Variants in ALG8 observed in about 807,000 individuals in gnomAD.
ALG8 encodes ALG8 alpha-1,3-glucosyltransferase.
Under a neutral mutation model 70.2 loss-of-function variants are expected in ALG8, and 48 were observed. That is an observed-to-expected ratio of 0.68 (90% CI 0.54 to 0.87). The LOEUF (loss-of-function observed/expected upper bound fraction) is 0.87, where lower values mean the gene tolerates loss of function less well. Ranked by LOEUF, ALG8 falls within the 40% of genes least tolerant of loss-of-function variation. ALG8 has a pLI of 0.00. For missense variants in ALG8, 572 were observed against 608.7 expected (o/e 0.94, Z 0.64); for synonymous variants, 234 against 229.0 (o/e 1.02, Z -0.20).
rs1292203024 is a variant in ALG8 at position 78,113,959 on chromosome 11, A to T, written c.704T>A (p.Phe235Tyr). The T allele has an allele frequency of 6.2e-7, 1 of 1,607,158 alleles. No individual in the cohort carries two copies. Among genetic ancestry groups the T allele is most frequent in the Non-Finnish European group, 8.5e-7 (1 of 1,176,672 alleles). ...DGSIRWKSFS[F>Y]VRVISLGLVV... ...CAGTCCCAGGGAAATAACACGAACA[A>T]AGCTGAAACTCTTCCATCGAATAGA... is the stretch of plus-strand genomic sequence containing the variant. Residue 235 changes from phenylalanine (F) to tyrosine (Y), a missense_variant, in exon 7 of 13, where the codon TTT (phenylalanine) becomes TAT (tyrosine). Coordinates refer to ENST00000299626, the MANE Select transcript of ALG8 (RefSeq NM_024079.5).
chr11:78,134,573 A>G (rs907426866), intron 1 of ALG8, among the ~76,000 whole-genome samples: 1 of 152,238 alleles, frequency 6.6e-6, no homozygotes, highest in African/African-American at 2.4e-5. Flanking sequence ...TCAAAACTAG[A>G]GTCAATCCTT....
At chr11:78,113,439 G>A (rs2136901223) in intron 7 of ALG8, among the ~76,000 whole-genome samples, 1 of 152,198 alleles carries the variant, frequency 6.6e-6, no homozygotes, top group African/African-American at 2.4e-5. Flanking sequence ...CGGGCCAAGA[G>A]CGGTGGCTCA....
rs1012579903 is a variant in ALG8, at chr11:78,103,200, C to T, written c.1349+780G>A. 5.9e-5 allele frequency among the ~76,000 whole-genome samples: 9 copies of T among 152,208 alleles called. No homozygotes were observed. In the South Asian group the frequency reaches 1.7e-3, roughly 28 times the overall value. On this transcript the variant is annotated intron_variant, in intron 12 of 12. Transcript: ENST00000299626. ...ATTAGCCGGGCACAGCAGCTCACGCCTGTACTTCCAGCACTATGGGAGGCC... is the reference window on the plus strand; with the variant it reads ...ATTAGCCGGGCACAGCAGCTCACGCTTGTACTTCCAGCACTATGGGAGGCC...
intron 8 of ALG8, chr11:78,112,446 A>G: frequency 3.4e-6 from 2 of 590,096 alleles, no homozygotes; most frequent in Non-Finnish European, 5.8e-6. Flanking sequence ...TACCACAAGG[A>G]GCTTTTATAA....
intron 12 of ALG8, among the ~76,000 whole-genome samples, chr11:78,102,315 G>A (rs1336228490): frequency 6.6e-6 from 1 of 152,156 alleles, no homozygotes; most frequent in African/African-American, 2.4e-5. Flanking sequence ...GGAACGATAT[G>A]ATATTTGTTC....
At chr11:78,129,169 C>T (rs1312408340) in intron 1 of ALG8, among the ~76,000 whole-genome samples, 1 of 151,646 alleles carries the variant, frequency 6.6e-6, no homozygotes, top group Non-Finnish European at 1.5e-5. Context: ...ACCTGTAATT[C>T]CAGCACTTTG....
chr11:78,121,302 TTC>T, intron 3 of ALG8, 128 bp from the exon 4 acceptor site: 1 of 740,834 alleles, frequency 1.3e-6, no homozygotes, highest in Non-Finnish European at 2.3e-6. Flanking sequence ...TTTTTTTTTT[TTC>T]CAATTTTTCT....
At position 78,104,343 on chromosome 11, in the gene ALG8, A is replaced by G. The variant is rs754590190; in HGVS notation, c.1276+13T>C. The G allele has an allele frequency of 6.4e-6, 10 of 1,564,414 alleles. No individual in the cohort carries two copies. In the East Asian group the frequency reaches 2.3e-4, roughly 36 times the overall value. On this transcript the variant is annotated intron_variant, in intron 11 of 12. Transcript: ENST00000299626. The stretch of plus-strand genomic sequence containing the variant: ...GATAGTCAAATATATTTTTCTCAGA[A>G]GACGCTGTTTACCTGGTGCAGTGAA...
intron 5 of ALG8, among the ~76,000 whole-genome samples, chr11:78,118,249 T>C (rs7115416): frequency 0.2 from 31,142 of 152,106 alleles, 3,796 homozygotes; most frequent in African/African-American, 0.34. Context: ...AAAGTATCAC[T>C]ATCATAGTTA....
intron 2 of ALG8, among the ~76,000 whole-genome samples, chr11:78,125,085 T>G (rs966217573): frequency 1.3e-5 from 2 of 151,572 alleles, no homozygotes; most frequent in Non-Finnish European, 2.9e-5. Context: ...CAGGCTGGAG[T>G]GCAGTGGCGC....
chr11:78,109,457 T>C lies in ALG8; in HGVS notation c.1023A>G (p.Thr341=), dbSNP rs767003895. 6.2e-7 allele frequency: 1 copy of C among 1,614,124 alleles called. No individual in the cohort carries two copies. The highest frequency in any genetic ancestry group is 2.2e-5 in the East Asian group (1 of 44,874). The change falls in exon 9 of 13, where the codon ACA becomes ACG. Residue 341 remains threonine (T), a synonymous_variant. Transcript: ENST00000299626. Reference sequence around the variant, plus strand: ...GAGTTCTTACCAATATGGCAATCAGTGTGCAGATGAGGGTTGCCAAGGGAG... The same window carrying C: ...GAGTTCTTACCAATATGGCAATCAGCGTGCAGATGAGGGTTGCCAAGGGAG... ...SVTPLATLIC[T]LIAILPSIFC...
At chr11:78,119,308 G>T in intron 4 of ALG8, 59 bp from the exon 5 acceptor site, 3 of 1,225,664 alleles carry the variant, frequency 2.4e-6, no homozygotes, top group Non-Finnish European at 3.6e-6. Flanking sequence ...AACTATACCA[G>T]CTGATGGAGT....
At chr11:78,119,807 T>C (rs1860741437) in intron 4 of ALG8, among the ~76,000 whole-genome samples, 1 of 152,148 alleles carries the variant, frequency 6.6e-6, no homozygotes, top group African/African-American at 2.4e-5. Context: ...AGATCTTTAA[T>C]TGAAACTTAC....
chr11:78,116,305 G>A (rs949530604), intron 5 of ALG8, among the ~76,000 whole-genome samples: 3 of 152,166 alleles, frequency 2.0e-5, no homozygotes, highest in Non-Finnish European at 4.4e-5. Context: ...GTGAGGTGGA[G>A]GTTGCAGTGA....
intron 6 of ALG8, 49 bp from the exon 7 acceptor site, chr11:78,114,038 T>C: frequency 6.7e-7 from 1 of 1,497,456 alleles, no homozygotes; most frequent in Non-Finnish European, 9.2e-7. Context: ...AAAGGAACAT[T>C]AACCATAACC....
chr11:78,131,090 C>G (rs1225197249), intron 1 of ALG8, among the ~76,000 whole-genome samples: 1 of 150,590 alleles, frequency 6.6e-6, no homozygotes, highest in Non-Finnish European at 1.5e-5. Flanking sequence ...ACTATATAGA[C>G]TTTTTCCAGT....
At chr11:78,123,201 G>C (rs567613295) in intron 3 of ALG8, among the ~76,000 whole-genome samples, 4 of 151,370 alleles carry the variant, frequency 2.6e-5, no homozygotes, top group Admixed American at 2.6e-4. Flanking sequence ...AGCTACTTGG[G>C]AGGCTGAGGC....
At chr11:78,118,015 G>A (rs1386936359) in intron 5 of ALG8, among the ~76,000 whole-genome samples, 1 of 150,134 alleles carries the variant, frequency 6.7e-6, no homozygotes, top group Non-Finnish European at 1.5e-5. Flanking sequence ...AGCTTGCAGT[G>A]AGCCAAGATC....
At chr11:78,123,969 C>A (rs1860943787) in intron 3 of ALG8, 52 bp downstream of exon 3, 7 of 1,574,974 alleles carry the variant, frequency 4.4e-6, no homozygotes, top group Non-Finnish European at 6.1e-6. Flanking sequence ...CTACTTAACA[C>A]TGTACTATTT....
Sources: gnomAD v4.1 joint callset for allele counts (sites outside exome capture counted in the v4.1 genomes callset) on GRCh38, gnomAD v4.1.1 for gene constraint, MANE v1.5 for transcripts, NCBI Gene and HGNC (gene_info 2026-07-23, HGNC 2026-07-21) for gene names.